The following PTK7 variants were observed in gnomAD, a reference collection of about 807,000 sequenced individuals.
PTK7 encodes the protein inactive tyrosine-protein kinase 7.
Under a neutral mutation model 116.6 loss-of-function variants are expected in PTK7, and 39 were observed. That is an observed-to-expected ratio of 0.33 (90% confidence interval 0.26 to 0.44). The LOEUF (loss-of-function observed/expected upper bound fraction) is 0.44. PTK7 is among the 20% of genes least tolerant of loss of function. The probability of loss-of-function intolerance (pLI) is 1.00; values close to 1 mark genes in which losing one functional copy is unlikely to be tolerated. For synonymous variants in PTK7, 546 were observed against 563.6 expected, an observed-to-expected ratio of 0.97 and a Z score of 0.44; for missense variants, 1,169 against 1,425.6, an observed-to-expected ratio of 0.82 and a Z score of 2.90.
intron 1 of PTK7, among the ~76,000 whole-genome samples, chr6:43,123,078 A>G (rs1411244506): frequency 6.6e-6 from 1 of 152,184 alleles, no homozygotes; most frequent in Non-Finnish European, 1.5e-5. Context: ...GGCCGGTAGC[A>G]TCAAGCTCCC....
chr6:43,121,700 G>A (rs969203059), intron 1 of PTK7, among the ~76,000 whole-genome samples: 2 of 152,202 alleles, frequency 1.3e-5, no homozygotes, highest in African/African-American at 4.8e-5. Flanking sequence ...ACTGGTGGTA[G>A]TCGGGGGAGA....
At chr6:43,146,765 C>T (rs1770753997) in intron 17 of PTK7, 67 bp downstream of exon 17, 6 of 1,411,590 alleles carry the variant, frequency 4.3e-6, no homozygotes, top group Non-Finnish European at 5.0e-6. Flanking sequence ...AACAGAGGCA[C>T]CATTTATTGA....
intron 1 of PTK7, among the ~76,000 whole-genome samples, chr6:43,106,889 T>C (rs1170986336): frequency 3.3e-5 from 5 of 150,752 alleles, no homozygotes; most frequent in African/African-American, 1.2e-4. Flanking sequence ...GTGCTGGGAT[T>C]ACAGGTGTGA....
At chr6:43,098,664 A>AT (rs1006874427) in intron 1 of PTK7, among the ~76,000 whole-genome samples, 20 of 152,256 alleles carry the variant, frequency 1.3e-4, no homozygotes, top group Admixed American at 1.1e-3. Context: ...CCAAGTCAAG[A>AT]TTTTTTAAAA....
chr6:43,146,832 T>C (rs1342761685), intron 17 of PTK7, 134 bp downstream of exon 17: 3 of 737,072 alleles, frequency 4.1e-6, no homozygotes, highest in South Asian at 3.3e-5. Context: ...ACTGTAATTA[T>C]CACGGTAGTC....
intron 1 of PTK7, among the ~76,000 whole-genome samples, chr6:43,091,526 G>A (rs1400026847): frequency 6.6e-6 from 1 of 152,160 alleles, no homozygotes; most frequent in African/African-American, 2.4e-5. Flanking sequence ...TCTTGCAAGA[G>A]TTGAGTGAGA....
rs186367069 is a variant in PTK7 at position 43,121,217 on chromosome 6, G to A, written c.80-7760G>A. Among the ~76,000 whole-genome samples the A allele has an allele frequency of 1.5e-3, 232 of 152,216 alleles. 1 individual carries two copies. The highest frequency in any genetic ancestry group is 6.8e-3 in the Middle Eastern group (2 of 294). Reference sequence around the variant, plus strand: ...CCATGCTTGGATACCATGTGATGCCGGACCCAAGGCCTTACTCCTGCCATT... The same window carrying A: ...CCATGCTTGGATACCATGTGATGCCAGACCCAAGGCCTTACTCCTGCCATT... On this transcript the variant is annotated intron_variant, in intron 1 of 19. Transcript: ENST00000230419.
chr6:43,135,174 G>C (rs1194640565), intron 7 of PTK7, among the ~76,000 whole-genome samples: 1 of 152,220 alleles, frequency 6.6e-6, no homozygotes, highest in South Asian at 2.1e-4. Flanking sequence ...AGCCATGCCA[G>C]TGTCCCTTGC....
chr6:43,153,236 G>A (rs1171396045), intron 17 of PTK7, among the ~76,000 whole-genome samples: 2 of 150,302 alleles, frequency 1.3e-5, no homozygotes, highest in South Asian at 2.1e-4. Context: ...TCAGCCTCCC[G>A]AGTAGCTGGG....
At chr6:43,125,164 ACT>A (rs1265579476) in intron 1 of PTK7, among the ~76,000 whole-genome samples, 1 of 152,004 alleles carries the variant, frequency 6.6e-6, no homozygotes, top group East Asian at 1.9e-4. Context: ...AAGAACGAAA[ACT>A]CTGTCTCAAA....
At chr6:43,147,276 G>T (rs759398856) in intron 17 of PTK7, among the ~76,000 whole-genome samples, 3 of 152,230 alleles carry the variant, frequency 2.0e-5, no homozygotes, top group Non-Finnish European at 2.9e-5. Flanking sequence ...CAGAGCCCTG[G>T]CTGGGGCCCC....
In PTK7 at chr6:43,139,661, TTTAG is replaced by T. The variant is rs552828426; in HGVS notation, c.1618+141_1618+144del. On this transcript the variant is annotated intron_variant, in intron 10 of 19. Transcript: ENST00000230419. This position sits in a 1 kb window ranked among gnomAD's most constrained non-coding sequence, Gnocchi z 4.6. ...CAAGCAGTGCAGGGCTGATGTATAGTTTAGTTAGGAAGGAAAAAGCCAGACACAG... is the reference window on the plus strand; with the variant it reads ...CAAGCAGTGCAGGGCTGATGTATAGTTTAGGAAGGAAAAAGCCAGACACAG... 6.5e-6 allele frequency: 9 copies of T among 1,379,254 alleles called. No homozygotes were observed. Among genetic ancestry groups the T allele is most frequent in the Non-Finnish European group, 8.8e-6 (9 of 1,028,474 alleles). The allele number at this position is 1,379,254 out of a possible 1,614,324, so 85.4% of individuals were successfully genotyped here. A position where few individuals can be genotyped will look rare whatever the true frequency, so the allele number is the denominator to read the frequency against.
At chr6:43,146,775 A>C in intron 17 of PTK7, 77 bp downstream of exon 17, 13 of 1,300,694 alleles carry the variant, frequency 1.0e-5, no homozygotes, top group Non-Finnish European at 1.4e-5. Flanking sequence ...CCATTTATTG[A>C]GGGCTCTCTA....
chr6:43,138,764 A>T, intron 7 of PTK7, 85 bp from the exon 8 acceptor site: 1 of 1,503,844 alleles, frequency 6.6e-7, no homozygotes, highest in Non-Finnish European at 8.9e-7. Flanking sequence ...AGGGCCTAGA[A>T]TGGTAGTAGG....
chr6:43,126,661 T>C (rs1725308684), intron 1 of PTK7, among the ~76,000 whole-genome samples: 1 of 152,230 alleles, frequency 6.6e-6, no homozygotes, highest in African/African-American at 2.4e-5. Flanking sequence ...GTCATAGTCC[T>C]GGCTCTGCCA....
chr6:43,106,775 C>T (rs915177986), intron 1 of PTK7, among the ~76,000 whole-genome samples: 7 of 150,618 alleles, frequency 4.6e-5, no homozygotes, highest in Admixed American at 4.0e-4. Flanking sequence ...GCGTGACACC[C>T]GGCTAATTTT....
rs1266724930 is a variant in PTK7, at chr6:43,129,274, A to C, written c.367+10A>C. 2 of 1,613,722 alleles carry C rather than the reference A, an allele frequency of 1.2e-6. No homozygotes were observed. Among genetic ancestry groups the C allele is most frequent in the Admixed American group, 3.3e-5 (2 of 59,982 alleles). On this transcript the variant is annotated intron_variant, in intron 2 of 19. Transcript: ENST00000230419. This position sits in a 1 kb window ranked among gnomAD's most constrained non-coding sequence, Gnocchi z 4.5. ...TCCTTCAACATCAAATGTGAGAGCC[A>C]GGGGGGCTGTGCCCAGTCCCCCTGT...
At chr6:43,108,527 G>T (rs1768021972) in intron 1 of PTK7, among the ~76,000 whole-genome samples, 2 of 151,518 alleles carry the variant, frequency 1.3e-5, no homozygotes, top group Admixed American at 6.6e-5. Flanking sequence ...AGCCTCCCAA[G>T]TAGCTGGGAC....
At chr6:43,094,730 T>C (rs1767145970) in intron 1 of PTK7, among the ~76,000 whole-genome samples, 1 of 151,942 alleles carries the variant, frequency 6.6e-6, no homozygotes. Flanking sequence ...CGCCCGTCTC[T>C]GTCTCCCAAA....
Sources: gnomAD v4.1 joint callset for allele counts (sites outside exome capture counted in the v4.1 genomes callset) on GRCh38, gnomAD v4.1.1 for gene constraint, Gnocchi (gnomAD v3.1) non-coding constraint, MANE v1.5 for transcripts, NCBI Gene and HGNC (gene_info 2026-07-23, HGNC 2026-07-21) for gene names.